Variants in NKTR observed in about 807,000 individuals in gnomAD.
NKTR encodes the protein natural killer cell triggering receptor.
Under a neutral mutation model 156.3 loss-of-function variants are expected in NKTR, and 67 were observed. The ratio of observed to expected loss-of-function variants is 0.43; its 90% CI spans 0.35 to 0.53. NKTR has a LOEUF of 0.53. NKTR is among the 20% of genes least tolerant of loss of function. The pLI is 0.01. For missense variants in NKTR, 1,604 were observed against 1,730.9 expected (o/e 0.93, Z 1.30); for synonymous variants, 640 against 596.6 (o/e 1.07, Z -1.06).
intron 2 of NKTR, among the ~76,000 whole-genome samples, chr3:42,603,710 CTAAA>C (rs1418032660): frequency 1.3e-5 from 2 of 148,248 alleles, no homozygotes; most frequent in African/African-American, 4.9e-5. Flanking sequence ...AGTATATTAA[CTAAA>C]TAGTGGATTT....
rs1032250569 is a variant in NKTR, at chr3:42,619,137, A to G, written c.241+10A>G. 1 of 1,597,010 alleles carries G rather than the reference A, an allele frequency of 6.3e-7. No homozygotes were observed. The highest frequency in any genetic ancestry group is 8.5e-7 in the Non-Finnish European group (1 of 1,174,846). ...GGGGACTTCAGTGAAGGTAGAGCTA[A>G]AAGTTGTGTTCCTAATAACTCCATC... is the stretch of plus-strand genomic sequence containing the variant. On this transcript the variant is annotated intron_variant, in intron 4 of 16. Coordinates refer to ENST00000232978, the MANE Select transcript of NKTR (RefSeq NM_005385.4).
chr3:42,603,372 A>C (rs1476550179), intron 2 of NKTR, among the ~76,000 whole-genome samples: 94 of 151,126 alleles, frequency 6.2e-4, no homozygotes, highest in African/African-American at 9.0e-4. Flanking sequence ...AAAAAAAAAA[A>C]AAAAAAAAAA....
intron 14 of NKTR, among the ~76,000 whole-genome samples, chr3:42,642,982 A>G (rs1218865615): frequency 6.6e-6 from 1 of 152,070 alleles, no homozygotes; most frequent in Non-Finnish European, 1.5e-5. Flanking sequence ...GTGGCCCCAG[A>G]TTTCTAGTTC....
intron 2 of NKTR, among the ~76,000 whole-genome samples, chr3:42,610,863 A>G (rs1706724440): frequency 6.6e-6 from 1 of 152,212 alleles, no homozygotes; most frequent in Non-Finnish European, 1.5e-5. Context: ...TAATTCATCT[A>G]TATCTAAAGA....
rs544136367 is a variant in NKTR, at chr3:42,632,331, A to C, written c.551-270A>C. Reference sequence around the variant, plus strand: ...AGTGATTTGCTCACCTTGGCCTCCCACAGTGTTAGGATTACAGATATGAGT... The same window carrying C: ...AGTGATTTGCTCACCTTGGCCTCCCCCAGTGTTAGGATTACAGATATGAGT... On this transcript the variant is annotated intron_variant, in intron 8 of 16. Transcript: ENST00000232978. 3.3e-5 allele frequency among the ~76,000 whole-genome samples: 5 copies of C among 152,092 alleles called. No individual in the cohort carries two copies. In the South Asian group the frequency reaches 8.3e-4, roughly 25 times the overall value.
chr3:42,630,461 T>C lies in NKTR; in HGVS notation c.375-85T>C. On this transcript the variant is annotated intron_variant, in intron 6 of 16. Coordinates refer to ENST00000232978, the MANE Select transcript of NKTR (RefSeq NM_005385.4). ...TTTTTATCTTTACTTCTTTGTTCTCTACATGCTGTGTTTAAACCTTTCTGC... is the reference window on the plus strand; with the variant it reads ...TTTTTATCTTTACTTCTTTGTTCTCCACATGCTGTGTTTAAACCTTTCTGC... 5.0e-6 allele frequency: 8 copies of C among 1,599,840 alleles called. No homozygotes were observed. In the South Asian group the frequency reaches 7.9e-5, roughly 16 times the overall value.
intron 2 of NKTR, among the ~76,000 whole-genome samples, chr3:42,604,663 T>C (rs1389046687): frequency 3.2e-5 from 1 of 30,858 alleles, no homozygotes; most frequent in Admixed American, 2.5e-4. Context: ...TCTCTCCTTT[T>C]TTTTTTTTTT....
intron 5 of NKTR, 60 bp downstream of exon 5, chr3:42,619,768 A>G (rs1288714652): frequency 4.4e-6 from 7 of 1,594,712 alleles, no homozygotes; most frequent in African/African-American, 1.4e-5. Context: ...AAGTTTGATC[A>G]TATACTTTTA....
chr3:42,627,637 T>C (rs1290226697), intron 6 of NKTR: 1 of 985,060 alleles, frequency 1.0e-6, no homozygotes, highest in East Asian at 1.1e-4. Flanking sequence ...CACATGTTTT[T>C]TAAAGTAGAT....
chr3:42,637,946 A>G lies in NKTR; in HGVS notation c.2242A>G (p.Ser748Gly). The change falls in exon 13 of 17, where the codon AGC becomes GGC. Residue 748 changes from serine to glycine, a missense_variant. By Grantham distance (56) the Ser-to-Gly change is moderately conservative. Coordinates refer to ENST00000232978, the MANE Select transcript of NKTR (RefSeq NM_005385.4). ...CSRSSSYTSI[S>G]SDDGRRAKRR... ...TAGATCATCTTCATATACTTCTATT[A>G]GCAGTGATGATGGAAGGCGAGCTAA... 6.2e-7 allele frequency: 1 copy of G among 1,613,928 alleles called. No homozygotes were observed. Among genetic ancestry groups the G allele is most frequent in the Non-Finnish European group, 8.5e-7 (1 of 1,179,790 alleles).
chr3:42,609,774 T>TGTAG (rs1237473434), intron 2 of NKTR, among the ~76,000 whole-genome samples: 1 of 152,216 alleles, frequency 6.6e-6, no homozygotes, highest in Non-Finnish European at 1.5e-5. Context: ...CTTATGGTTA[T>TGTAG]GTAGGTAGAA....
At chr3:42,617,879 A>G (rs552881687) in intron 3 of NKTR, among the ~76,000 whole-genome samples, 276 of 152,314 alleles carry the variant, frequency 1.8e-3, no homozygotes, top group African/African-American at 6.2e-3. Flanking sequence ...TCTACGTTAT[A>G]TAATGGAATC....
intron 2 of NKTR, among the ~76,000 whole-genome samples, chr3:42,615,628 A>C (rs1465742651): frequency 6.6e-6 from 1 of 152,144 alleles, no homozygotes; most frequent in Non-Finnish European, 1.5e-5. Context: ...CTGTGGCCCT[A>C]AGAAAAGCCC....
At chr3:42,626,314 T>C (rs908956635) in intron 6 of NKTR, among the ~76,000 whole-genome samples, 4 of 152,138 alleles carry the variant, frequency 2.6e-5, no homozygotes. Context: ...AAAACTCTTA[T>C]AAAGCATTTT....
At position 42,638,206 on chromosome 3, in the gene NKTR, A is replaced by G; in HGVS notation, c.2502A>G (p.Thr834=). The part of the protein sequence containing the change: ...EKEKQGQMER[T]HNKQEKNRGE... ...AGAAGCAGGGCCAAATGGAAAGAAC[A>G]CATAATAAACAAGAAAAAAACAGAG... The change falls in exon 13 of 17, where the codon ACA becomes ACG. Residue 834 remains threonine (T), a synonymous_variant. Coordinates refer to ENST00000232978, the MANE Select transcript of NKTR (RefSeq NM_005385.4). The G allele has an allele frequency of 6.2e-7, 1 of 1,613,590 alleles. No homozygotes were observed. Among genetic ancestry groups the G allele is most frequent in the African/African-American group, 1.3e-5 (1 of 74,964 alleles).
Position 42,647,168 on chromosome 3 carries a change from T to C in NKTR, c.*1193T>C, listed in dbSNP as rs983866636. 1.3e-5 allele frequency: 2 copies of C among 151,892 alleles called. No individual in the cohort carries two copies. Among genetic ancestry groups the C allele is most frequent in the Non-Finnish European group, 2.9e-5 (2 of 68,030 alleles). The allele number at this position is 151,892 out of a possible 1,614,324, so 9.4% of individuals were successfully genotyped here. On this transcript the variant is annotated 3_prime_UTR_variant, in exon 17 of 17. Transcript: ENST00000232978. ...AAAGCCTTGCGTGACCTGACCCAGG[T>C]GCAAGAGACAGGGGAAGAGGGATAG...
At chr3:42,602,986 A>G (rs1379336934) in intron 2 of NKTR, 4 of 150,470 alleles carry the variant, frequency 2.7e-5, no homozygotes, top group African/African-American at 9.8e-5. Context: ...AGATTATACC[A>G]CTGCATGTCA....
Position 42,600,986 on chromosome 3 carries a change from C to T in NKTR, c.-21C>T, listed in dbSNP as rs1288756215. The T allele has an allele frequency of 1.9e-6, 3 of 1,549,600 alleles. No homozygotes were observed. The highest frequency in any genetic ancestry group is 2.4e-5 in the South Asian group (2 of 83,258). Reference sequence around the variant, plus strand: ...GCTTTTCTCCCCCTCTCTCCCAGCTCTTGCCGCCACCTCGGTCGCGATGGG... The same window carrying T: ...GCTTTTCTCCCCCTCTCTCCCAGCTTTTGCCGCCACCTCGGTCGCGATGGG... On this transcript the variant is annotated splice_region_variant and 5_prime_UTR_variant, in exon 2 of 17. Transcript: ENST00000232978.
chr3:42,626,066 GT>G (rs1265629695), intron 6 of NKTR, among the ~76,000 whole-genome samples: 1 of 151,984 alleles, frequency 6.6e-6, no homozygotes, highest in Admixed American at 6.6e-5. Flanking sequence ...CAGTGTGATA[GT>G]TTCAGGAGTT....
Sources: gnomAD v4.1 joint callset for allele counts (sites outside exome capture counted in the v4.1 genomes callset) on GRCh38, gnomAD v4.1.1 for gene constraint, MANE v1.5 for transcripts, NCBI Gene and HGNC (gene_info 2026-07-23, HGNC 2026-07-21) for gene names.